The following IGF1R variants were observed in gnomAD, a reference collection of about 807,000 sequenced individuals.
IGF1R encodes the protein insulin-like growth factor 1 receptor.
In IGF1R, 44 loss-of-function variants were observed where a neutral mutation model predicts 144.6. That is an observed-to-expected ratio of 0.30 (90% CI 0.24 to 0.39). The LOEUF is 0.39. Among genes scored for constraint, IGF1R ranks in the 10% least tolerant of loss-of-function variants. The pLI, the probability that IGF1R is intolerant of heterozygous loss-of-function variation, is 1.00. For missense variants in IGF1R, 1,355 were observed against 1,833.7 expected (o/e 0.74, Z 4.77); for synonymous variants, 795 against 722.8 (o/e 1.10, Z -1.60).
chr15:98,835,255 A>G (rs2141514573), intron 2 of IGF1R, among the ~76,000 whole-genome samples: 1 of 152,080 alleles, frequency 6.6e-6, no homozygotes, highest in African/African-American at 2.4e-5. Context: ...CTAAGAGGCT[A>G]CAACAACTGT....
At chr15:98,807,324 T>G (rs1402290420) in intron 2 of IGF1R, among the ~76,000 whole-genome samples, 2 of 152,310 alleles carry the variant, frequency 1.3e-5, no homozygotes, top group African/African-American at 2.4e-5. Flanking sequence ...GTGGGACACG[T>G]TCTTTGTCCT....
intron 1 of IGF1R, among the ~76,000 whole-genome samples, chr15:98,683,704 T>C (rs1346935112): frequency 6.6e-6 from 1 of 152,258 alleles, no homozygotes; most frequent in Non-Finnish European, 1.5e-5. Flanking sequence ...CAGTCACAGT[T>C]GGATGGCAAG....
intron 3 of IGF1R, among the ~76,000 whole-genome samples, chr15:98,892,994 G>T (rs2014003722): frequency 6.6e-6 from 1 of 152,286 alleles, no homozygotes; most frequent in Admixed American, 6.5e-5. Context: ...TCCAGCACAG[G>T]CAACAGAGAC....
chr15:98,948,441 G>C (rs888819579), intron 19 of IGF1R, 133 bp from the exon 20 acceptor site: 8 of 932,376 alleles, frequency 8.6e-6, no homozygotes, highest in African/African-American at 3.2e-5. Context: ...GGCCTGGCTC[G>C]CTGTCTGACA....
At chr15:98,677,366 C>A (rs931827413) in intron 1 of IGF1R, among the ~76,000 whole-genome samples, 1 of 152,138 alleles carries the variant, frequency 6.6e-6, no homozygotes, top group Non-Finnish European at 1.5e-5. Context: ...TTGACTCTTC[C>A]TAATTTTTTT....
chr15:98,863,507 A>G (rs745907560), intron 2 of IGF1R, among the ~76,000 whole-genome samples: 2 of 152,142 alleles, frequency 1.3e-5, no homozygotes, highest in East Asian at 1.9e-4. Context: ...TCTGTTTTCT[A>G]CACTTAGTAA....
chr15:98,961,785 C>T lies in IGF1R; in HGVS notation c.*4343C>T, dbSNP rs973127805. 1.2e-4 allele frequency: 29 copies of T among 233,308 alleles called. No individual in the cohort carries two copies. Among genetic ancestry groups the T allele is most frequent in the African/African-American group, 3.1e-4 (14 of 45,334 alleles). 14.5% of individuals were successfully genotyped at this position (233,308 alleles called of 1,614,324 possible). A position where few individuals can be genotyped will look rare whatever the true frequency, so the allele number is the denominator to read the frequency against. On this transcript the variant is annotated 3_prime_UTR_variant, in exon 21 of 21. Transcript: ENST00000650285. ...AGGTCTCCTTCGTGGGATGTCATGA[C>T]GTTTGACATACCTTTGGAACGAGCC...
In IGF1R at chr15:98,961,155, AC is replaced by A. The variant is rs1378416341; in HGVS notation, c.*3714del. ...GGGGATCTTAAGGTCATTGAGAAAT[AC>A]TGTTGGATCAGGGTTTTGTTCTTCC... On this transcript the variant is annotated 3_prime_UTR_variant, in exon 21 of 21. Coordinates refer to ENST00000650285, the MANE Select transcript of IGF1R (RefSeq NM_000875.5). The A allele has an allele frequency of 4.3e-6, 1 of 233,410 alleles. No homozygotes were observed. The highest frequency in any genetic ancestry group is 8.5e-6 in the Non-Finnish European group (1 of 117,934). 14.5% of individuals were successfully genotyped at this position (233,410 alleles called of 1,614,324 possible).
At chr15:98,756,924 T>C (rs2055169744) in intron 2 of IGF1R, among the ~76,000 whole-genome samples, 1 of 152,234 alleles carries the variant, frequency 6.6e-6, no homozygotes, top group African/African-American at 2.4e-5. Flanking sequence ...TGATATTGTT[T>C]ATATGATTTA....
intron 2 of IGF1R, among the ~76,000 whole-genome samples, chr15:98,887,019 T>C (rs2013674693): frequency 1.3e-5 from 2 of 152,360 alleles, no homozygotes; most frequent in South Asian, 2.1e-4. Context: ...TGCCCCCGCA[T>C]AGAGCATGTG....
chr15:98,780,308 T>C (rs1338681838), intron 2 of IGF1R, among the ~76,000 whole-genome samples: 13 of 151,898 alleles, frequency 8.6e-5, no homozygotes, highest in Non-Finnish European at 1.8e-4. Context: ...CCCAGTACTT[T>C]GGGAGGCTGA....
At chr15:98,715,809 G>T (rs1029422690) in intron 2 of IGF1R, among the ~76,000 whole-genome samples, 1 of 152,208 alleles carries the variant, frequency 6.6e-6, no homozygotes, top group Non-Finnish European at 1.5e-5. Flanking sequence ...CCCCTGACTT[G>T]GAGGTAGCGA....
Position 98,957,424 on chromosome 15 carries a change from C to A in IGF1R, c.4086C>A (p.Pro1362=). 1 of 1,613,128 alleles carries A rather than the reference C, an allele frequency of 6.2e-7. No individual in the cohort carries two copies. The highest frequency in any genetic ancestry group is 8.5e-7 in the Non-Finnish European group (1 of 1,180,044). The change falls in exon 21 of 21, where the codon CCC becomes CCA. Residue 1362 remains proline (P), a synonymous_variant. Transcript: ENST00000650285. ...AGAACGAGCGGGCCTTGCCGCTGCC[C>A]CAGTCTTCGACCTGCTGATCCTTGG... The part of the protein sequence containing the change: ...GRKNERALPL[P]QSSTC
chr15:98,909,353 G>A (rs1042179375), intron 6 of IGF1R, among the ~76,000 whole-genome samples: 9 of 140,898 alleles, frequency 6.4e-5, no homozygotes, highest in East Asian at 4.3e-4. Flanking sequence ...CCTCCACCTC[G>A]GTTCAAGCGG....
At chr15:98,761,656 G>T (rs1467136494) in intron 2 of IGF1R, among the ~76,000 whole-genome samples, 2 of 152,224 alleles carry the variant, frequency 1.3e-5, no homozygotes, top group Non-Finnish European at 2.9e-5. Context: ...GTTTGAGGCA[G>T]ACTCCAACCA....
Position 98,794,639 on chromosome 15 carries a change from A to G in IGF1R, c.640+86532A>G, listed in dbSNP as rs76867554. 2.2e-3 allele frequency among the ~76,000 whole-genome samples: 342 copies of G among 152,302 alleles called. 1 individual carries two copies. The highest frequency in any genetic ancestry group is 7.7e-3 in the African/African-American group (321 of 41,548). On this transcript the variant is annotated intron_variant, in intron 2 of 20. Coordinates refer to ENST00000650285, the MANE Select transcript of IGF1R (RefSeq NM_000875.5). The stretch of plus-strand genomic sequence containing the variant: ...TCCATTTCCCAAGTAATGTGTTCCA[A>G]AGCATTTTTATGTACAACTACTGGA...
In IGF1R at chr15:98,776,902, C is replaced by T. The variant is rs113713301; in HGVS notation, c.640+68795C>T. ...ATCGTCTCAGGTATGTGTCAAGCCACTGTTGTTTCAGAGCTGGACACAGGT... is the reference window on the plus strand; with the variant it reads ...ATCGTCTCAGGTATGTGTCAAGCCATTGTTGTTTCAGAGCTGGACACAGGT... On this transcript the variant is annotated intron_variant, in intron 2 of 20. Transcript: ENST00000650285. 1.7e-3 allele frequency among the ~76,000 whole-genome samples: 261 copies of T among 152,330 alleles called. 2 individuals carry two copies. Among genetic ancestry groups the T allele is most frequent in the African/African-American group, 6.0e-3 (249 of 41,566 alleles).
intron 2 of IGF1R, among the ~76,000 whole-genome samples, chr15:98,782,927 T>C (rs2055892011): frequency 6.6e-6 from 1 of 152,244 alleles, no homozygotes; most frequent in Admixed American, 6.5e-5. Context: ...GATTTCTAAA[T>C]AGAGACTTAA....
At chr15:98,752,210 T>G (rs1243100670) in intron 2 of IGF1R, among the ~76,000 whole-genome samples, 1 of 152,164 alleles carries the variant, frequency 6.6e-6, no homozygotes, top group Non-Finnish European at 1.5e-5. Context: ...CACAAAACAT[T>G]CGTGTGTGAA....
Sources: allele counts gnomAD v4.1 joint callset (sites outside exome capture counted in the v4.1 genomes callset), GRCh38; gene constraint gnomAD v4.1.1; transcripts MANE v1.5; gene names NCBI Gene and HGNC (gene_info 2026-07-23, HGNC 2026-07-21).